UGT1A4: variants seen among roughly 807,000 people sequenced by gnomAD.
UGT1A4 encodes the protein UDP-glucuronosyltransferase 1A4.
A neutral mutation model predicts 41.1 loss-of-function variants in UGT1A4; 32 were observed. The ratio of observed to expected loss-of-function variants is 0.78; its 90% CI spans 0.59 to 1.05. The LOEUF (loss-of-function observed/expected upper bound fraction) is 1.05, where lower values mean the gene tolerates loss of function less well. UGT1A4 is among the 50% of genes least tolerant of loss of function. The pLI, the probability that UGT1A4 is intolerant of heterozygous loss-of-function variation, is 0.00. For missense variants in UGT1A4, 748 were observed against 677.4 expected (o/e 1.10, Z -1.16); for synonymous variants, 283 against 265.1 (o/e 1.07, Z -0.66).
In UGT1A4 at chr2:233,760,715, G is replaced by A. The variant is rs1559407347; in HGVS notation, c.868-6319G>A. ...GAGCTCATGGCCTCCCTGGCAGAAA[G>A]CAGCTTTGATGTCATGCTGACGGAC... is the stretch of plus-strand genomic sequence containing the variant. On this transcript the variant is annotated intron_variant, in intron 1 of 4. Transcript: ENST00000373409. The A allele has an allele frequency of 1.2e-6, 2 of 1,614,196 alleles. No individual in the cohort carries two copies. The highest frequency in any genetic ancestry group is 1.3e-5 in the African/African-American group (1 of 75,042).
chr2:233,722,960 A>G (rs932052619), intron 1 of UGT1A4, among the ~76,000 whole-genome samples: 1 of 141,792 alleles, frequency 7.1e-6, no homozygotes, highest in African/African-American at 2.6e-5. Context: ...GAGGAGGAGG[A>G]AGGGGAGGGA....
chr2:233,719,115 G>C lies in UGT1A4; in HGVS notation c.295G>C (p.Gly99Arg), dbSNP rs774010631. 3.5e-5 allele frequency: 57 copies of C among 1,614,126 alleles called. No homozygotes were observed. Among genetic ancestry groups the C allele is most frequent in the Non-Finnish European group, 4.5e-5 (53 of 1,180,048 alleles). The stretch of plus-strand genomic sequence containing the variant: ...TCGCGTTACGCTGGGCTACACTCAA[G>C]GGTTCTTTGAAACAGAACATCTTCT... ...FDRVTLGYTQ[G>R]FFETEHLLKR... is the part of the protein sequence containing the mutation. The change falls in exon 1 of 5, where the codon GGG becomes CGG. Residue 99 changes from glycine (G) to arginine (R), a missense_variant. Gly to Arg is a moderately radical substitution (Grantham distance 125). Transcript: ENST00000373409.
intron 1 of UGT1A4, among the ~76,000 whole-genome samples, chr2:233,726,661 A>G (rs2077549730): frequency 1.3e-5 from 2 of 152,200 alleles, no homozygotes; most frequent in Admixed American, 6.5e-5. Flanking sequence ...TAATTTAATC[A>G]TATCTGTGAA....
At chr2:233,739,292 G>A (rs907438916) in intron 1 of UGT1A4, among the ~76,000 whole-genome samples, 2 of 152,186 alleles carry the variant, frequency 1.3e-5, no homozygotes, top group African/African-American at 4.8e-5. Flanking sequence ...AGTCTCCACT[G>A]GGGCACTGCC....
intron 1 of UGT1A4, among the ~76,000 whole-genome samples, chr2:233,727,545 T>C (rs2077627675): frequency 2.0e-5 from 3 of 152,198 alleles, no homozygotes. Flanking sequence ...GTTCCACCCG[T>C]CACCTGGGCT....
chr2:233,772,622 C>G lies in UGT1A4; in HGVS notation c.*63C>G. ...CCCTAGTCATTTCCAAACTTGAAAA[C>G]AGAATCAGTGTTAAATTCATTTTAT... On this transcript the variant is annotated 3_prime_UTR_variant, in exon 5 of 5. Transcript: ENST00000373409. 2.6e-6 allele frequency: 4 copies of G among 1,567,434 alleles called. No individual in the cohort carries two copies. The highest frequency in any genetic ancestry group is 3.5e-6 in the Non-Finnish European group (4 of 1,155,382).
At chr2:233,726,821 A>G (rs4294999) in intron 1 of UGT1A4, among the ~76,000 whole-genome samples, 81,640 of 151,974 alleles carry the variant, frequency 0.54, 23,585 homozygotes, top group African/African-American at 0.76. Context: ...CCTCTATTCG[A>G]CCATTTAAAT....
At chr2:233,719,858 C>A (rs368218473) in intron 1 of UGT1A4, among the ~76,000 whole-genome samples, 171 bp downstream of exon 1, 1 of 152,098 alleles carries the variant, frequency 6.6e-6, no homozygotes, top group East Asian at 1.9e-4. Flanking sequence ...TTTCAGTGGT[C>A]ACTGAGAGGA....
At chr2:233,747,739 T>G in intron 1 of UGT1A4, 1 of 1,613,426 alleles carries the variant, frequency 6.2e-7, no homozygotes, top group African/African-American at 1.3e-5. Context: ...TTGAGGAACA[T>G]TCCATGTGAT....
At chr2:233,766,659 G>C (rs1373000724) in intron 1 of UGT1A4, among the ~76,000 whole-genome samples, 1 of 152,094 alleles carries the variant, frequency 6.6e-6, no homozygotes, top group Non-Finnish European at 1.5e-5. Context: ...AAGGGACCAC[G>C]CCCTTCCCAG....
chr2:233,719,347 T>C lies in UGT1A4; in HGVS notation c.527T>C (p.Ile176Thr). ...CCTGCTGTGTTTTTTTGGAGGTACA[T>C]TCCATGTGACTTAGACTTTAAGGGC... ...SIPAVFFWRY[I>T]PCDLDFKGTQ... The change falls in exon 1 of 5, where the codon ATT becomes ACT. Residue 176 changes from isoleucine to threonine, a missense_variant. Coordinates refer to ENST00000373409, the MANE Select transcript of UGT1A4 (RefSeq NM_007120.3). 6.2e-7 allele frequency: 1 copy of C among 1,613,896 alleles called. No homozygotes were observed. The highest frequency in any genetic ancestry group is 8.5e-7 in the Non-Finnish European group (1 of 1,179,858).
At chr2:233,757,617 A>C (rs1696679661) in intron 1 of UGT1A4, among the ~76,000 whole-genome samples, 1 of 148,812 alleles carries the variant, frequency 6.7e-6, no homozygotes, top group South Asian at 2.2e-4. Flanking sequence ...AACTGCTAAA[A>C]GATACAAGGC....
At chr2:233,745,063 T>C (rs1693001663) in intron 1 of UGT1A4, among the ~76,000 whole-genome samples, 1 of 151,886 alleles carries the variant, frequency 6.6e-6, no homozygotes, top group African/African-American at 2.4e-5. Flanking sequence ...ATTTGTATTA[T>C]TTGTATTGTT....
At chr2:233,768,612 A>C (rs1575836446) in intron 4 of UGT1A4, among the ~76,000 whole-genome samples, 173 bp downstream of exon 4, 1 of 107,010 alleles carries the variant, frequency 9.3e-6, no homozygotes, top group African/African-American at 3.6e-5. Context: ...TTTGAGATGG[A>C]GTCTTGCTCT....
At position 233,764,579 on chromosome 2, in the gene UGT1A4, G is replaced by A. The variant is rs530578816; in HGVS notation, c.868-2455G>A. Among the ~76,000 whole-genome samples, 7 of 152,190 alleles carry A rather than the reference G, an allele frequency of 4.6e-5. No individual in the cohort carries two copies. The East Asian group carries it at 1.2e-3, about 25-fold the overall frequency. On this transcript the variant is annotated intron_variant, in intron 1 of 4. Transcript: ENST00000373409. ...TGTGCCTGGAGGAGAACTTAGACTC[G>A]GCCTTTTCCAGATGAGCTTCAGTGT...
Position 233,760,677 on chromosome 2 carries a change from A to T in UGT1A4, c.868-6357A>T, listed in dbSNP as rs555950591. 1.9e-6 allele frequency: 3 copies of T among 1,614,148 alleles called. No individual in the cohort carries two copies. The African/African-American group carries it at 4.0e-5, about 22-fold the overall frequency. On this transcript the variant is annotated intron_variant, in intron 1 of 4. Transcript: ENST00000373409. ...TGCTTTTGTCTGGCTGTTCCCACTT[A>T]CTGCACAACAAGGAGCTCATGGCCT...
chr2:233,760,450 C>CA lies in UGT1A4; in HGVS notation c.868-6583dup. On this transcript the variant is annotated intron_variant, in intron 1 of 4. Coordinates refer to ENST00000373409, the MANE Select transcript of UGT1A4 (RefSeq NM_007120.3). ...CATCCAGCAGCTGCAGCAGAGGGGA[C>CA]ATGAAATAGTTGTCCTAGCACCTGA... 1.2e-6 allele frequency: 2 copies of CA among 1,614,202 alleles called. No individual in the cohort carries two copies. The highest frequency in any genetic ancestry group is 1.7e-6 in the Non-Finnish European group (2 of 1,180,036).
chr2:233,724,145 T>C (rs1184615097), intron 1 of UGT1A4, among the ~76,000 whole-genome samples: 8 of 114,770 alleles, frequency 7.0e-5, no homozygotes, highest in African/African-American at 2.9e-4. Flanking sequence ...ACGGGGCGGC[T>C]GGCCGGGTGG....
At chr2:233,737,974 T>C (rs1690646890) in intron 1 of UGT1A4, among the ~76,000 whole-genome samples, 1 of 152,114 alleles carries the variant, frequency 6.6e-6, no homozygotes, top group South Asian at 2.1e-4. Flanking sequence ...CTAGATTTAA[T>C]ATGGTTTGGC....
Sources: gnomAD v4.1 joint callset for allele counts (sites outside exome capture counted in the v4.1 genomes callset) on GRCh38, gnomAD v4.1.1 for gene constraint, MANE v1.5 for transcripts, NCBI Gene and HGNC (gene_info 2026-07-23, HGNC 2026-07-21) for gene names.